Variants in INPP4B observed in about 807,000 individuals in gnomAD.
INPP4B encodes inositol polyphosphate-4-phosphatase type II B, also known as inositol polyphosphate 4-phosphatase type II.
In INPP4B, 55 loss-of-function variants were observed where a neutral mutation model predicts 122.5. That is an observed-to-expected ratio of 0.45 (90% CI 0.36 to 0.56). The LOEUF is 0.56. Ranked by LOEUF, INPP4B falls within the 20% of genes least tolerant of loss-of-function variation. INPP4B has a pLI of 0.00. For missense variants in INPP4B, 1,000 were observed against 1,097.7 expected, an observed-to-expected ratio of 0.91 and a Z score of 1.26; for synonymous variants, 403 against 388.7, an observed-to-expected ratio of 1.04 and a Z score of -0.43.
At chr4:142,243,046 C>A (rs1860286101) in intron 11 of INPP4B, among the ~76,000 whole-genome samples, 1 of 152,126 alleles carries the variant, frequency 6.6e-6, no homozygotes, top group Non-Finnish European at 1.5e-5. Flanking sequence ...AGCAGGTACA[C>A]CACCAATTGT....
intron 7 of INPP4B, among the ~76,000 whole-genome samples, chr4:142,316,811 T>G (rs892383304): frequency 8.5e-5 from 13 of 152,316 alleles, no homozygotes; most frequent in Admixed American, 7.8e-4. Context: ...ATCCTATTAG[T>G]GATGTTATGG....
chr4:142,744,587 C>T (rs1390737941), intron 1 of INPP4B, among the ~76,000 whole-genome samples: 1 of 151,766 alleles, frequency 6.6e-6, no homozygotes, highest in Non-Finnish European at 1.5e-5. Flanking sequence ...TTGCTGGCTG[C>T]TCATCTAAAC....
At chr4:142,642,504 G>C (rs913055351) in intron 2 of INPP4B, among the ~76,000 whole-genome samples, 1 of 152,128 alleles carries the variant, frequency 6.6e-6, no homozygotes, top group South Asian at 2.1e-4. Context: ...AGTTTTCCCA[G>C]CACCATTTAT....
At chr4:142,599,758 T>A (rs181963065) in intron 2 of INPP4B, among the ~76,000 whole-genome samples, 1 of 151,668 alleles carries the variant, frequency 6.6e-6, no homozygotes, top group Non-Finnish European at 1.5e-5. Flanking sequence ...GATAAAAAAT[T>A]GTGAAAAATA....
At position 142,145,509 on chromosome 4, in the gene INPP4B, A is replaced by G. The variant is rs562046835; in HGVS notation, c.1720+331T>C. On this transcript the variant is annotated intron_variant, in intron 18 of 25. Transcript: ENST00000262992. ...CCCTATGTTTCTAAGAGTTAAGTGC[A>G]GATGCTTATTTATCTTTCTAATAAA... Among the ~76,000 whole-genome samples, 16 of 152,304 alleles carry G rather than the reference A, an allele frequency of 1.1e-4. No individual in the cohort carries two copies. In the East Asian group the frequency reaches 2.9e-3, roughly 28 times the overall value.
At position 142,025,710 on chromosome 4, in the gene INPP4B, A is replaced by C. The variant is rs1424131042; in HGVS notation, c.*3072T>G. 16 of 152,212 alleles carry C rather than the reference A, an allele frequency of 1.1e-4. No homozygotes were observed. The highest frequency in any genetic ancestry group is 2.9e-5 in the Non-Finnish European group (2 of 68,044). The allele number at this position is 152,212 out of a possible 1,614,324, so 9.4% of individuals were successfully genotyped here. A position where few individuals can be genotyped will look rare whatever the true frequency, so the allele number is the denominator to read the frequency against. ...ATCCTCCATCCAAATGCTAGCTTTT[A>C]AGCCTTCAGAGTTTTTCAGAAGAGG... On this transcript the variant is annotated 3_prime_UTR_variant, in exon 26 of 26. Transcript: ENST00000262992.
intron 12 of INPP4B, among the ~76,000 whole-genome samples, chr4:142,214,789 G>A (rs1383773449): frequency 6.6e-6 from 1 of 152,176 alleles, no homozygotes; most frequent in Non-Finnish European, 1.5e-5. Context: ...CTGACCTCAG[G>A]TGATCCACCC....
chr4:142,079,076 T>C (rs2152516805), intron 25 of INPP4B, among the ~76,000 whole-genome samples: 1 of 152,092 alleles, frequency 6.6e-6, no homozygotes, highest in South Asian at 2.1e-4. Context: ...TGTATTGCGT[T>C]TTAGTATAGG....
intron 2 of INPP4B, among the ~76,000 whole-genome samples, chr4:142,463,820 C>T (rs1202908482): frequency 6.6e-6 from 1 of 152,114 alleles, no homozygotes; most frequent in Non-Finnish European, 1.5e-5. Context: ...TGTTTGCTTC[C>T]CCTTCCATCA....
intron 2 of INPP4B, among the ~76,000 whole-genome samples, chr4:142,620,858 T>G (rs1744753610): frequency 6.6e-6 from 1 of 151,986 alleles, no homozygotes; most frequent in Non-Finnish European, 1.5e-5. Flanking sequence ...AAAGACTCAC[T>G]TAAAACATAA....
At chr4:142,188,137 GTTAAA>G (rs1045080397) in intron 15 of INPP4B, among the ~76,000 whole-genome samples, 4 of 151,896 alleles carry the variant, frequency 2.6e-5, no homozygotes, top group African/African-American at 4.8e-5. Context: ...AAAATTATCA[GTTAAA>G]TTATTTATTA....
chr4:142,203,822 C>T (rs2149473741), intron 14 of INPP4B, among the ~76,000 whole-genome samples: 1 of 151,712 alleles, frequency 6.6e-6, no homozygotes, highest in East Asian at 1.9e-4. Flanking sequence ...TGAATAGACA[C>T]AATTTACTAA....
chr4:142,594,338 T>C (rs898301607), intron 2 of INPP4B, among the ~76,000 whole-genome samples: 1 of 152,228 alleles, frequency 6.6e-6, no homozygotes, highest in Non-Finnish European at 1.5e-5. Context: ...ATTGCCATTT[T>C]ACATTTTAAA....
chr4:142,311,538 G>C (rs1765517284), intron 8 of INPP4B, among the ~76,000 whole-genome samples: 1 of 152,096 alleles, frequency 6.6e-6, no homozygotes. Flanking sequence ...AGATTTGCTA[G>C]CTTCCAAGCA....
intron 10 of INPP4B, among the ~76,000 whole-genome samples, chr4:142,263,553 G>T (rs532222627): frequency 6.7e-6 from 1 of 148,410 alleles, no homozygotes; most frequent in Non-Finnish European, 1.5e-5. Context: ...GGGGATAAAG[G>T]AGGGAACGAA....
intron 2 of INPP4B, among the ~76,000 whole-genome samples, chr4:142,631,502 G>T (rs1747941874): frequency 6.6e-6 from 1 of 151,990 alleles, no homozygotes; most frequent in Non-Finnish European, 1.5e-5. Context: ...AAGAGAAGGA[G>T]AAAAGGATAA....
At chr4:142,148,129 C>T (rs1811783580) in intron 17 of INPP4B, among the ~76,000 whole-genome samples, 2 of 152,078 alleles carry the variant, frequency 1.3e-5, no homozygotes, top group African/African-American at 2.4e-5. Context: ...ATCAACTCTG[C>T]TACTGAGGAA....
intron 2 of INPP4B, among the ~76,000 whole-genome samples, chr4:142,530,963 C>T (rs1827536209): frequency 6.6e-6 from 1 of 151,812 alleles, no homozygotes; most frequent in South Asian, 2.1e-4. Context: ...AGTCATTAAC[C>T]AAAAGAAGTG....
chr4:142,310,454 T>C (rs920657304), intron 8 of INPP4B, among the ~76,000 whole-genome samples: 1 of 152,202 alleles, frequency 6.6e-6, no homozygotes, highest in Admixed American at 6.5e-5. Context: ...AAATTACATA[T>C]GCGGCATGCA....
Sources: gnomAD v4.1 joint callset for allele counts (sites outside exome capture counted in the v4.1 genomes callset) on GRCh38, gnomAD v4.1.1 for gene constraint, MANE v1.5 for transcripts, NCBI Gene and HGNC (gene_info 2026-07-23, HGNC 2026-07-21) for gene names.